ZNF142: variants seen among roughly 807,000 people sequenced by gnomAD.
ZNF142 encodes zinc finger protein 142.
ZNF142 carries 96 observed loss-of-function variants against 132.1 expected under a neutral mutation model. That is an observed-to-expected ratio of 0.73 (90% CI 0.62 to 0.86). The LOEUF (loss-of-function observed/expected upper bound fraction) is 0.86, where lower values mean the gene tolerates loss of function less well. Ranked by LOEUF, ZNF142 falls within the 40% of genes least tolerant of loss-of-function variation. ZNF142 has a pLI of 0.00. For synonymous variants in ZNF142, 842 were observed against 890.1 expected (o/e 0.95, Z 0.96); for missense variants, 2,163 against 2,336.2 (o/e 0.93, Z 1.53).
chr2:218,642,829 G>A lies in ZNF142; in HGVS notation c.4287C>T (p.Pro1429=). The A allele has an allele frequency of 3.7e-6, 6 of 1,614,208 alleles. No individual in the cohort carries two copies. Among genetic ancestry groups the A allele is most frequent in the Non-Finnish European group, 5.1e-6 (6 of 1,180,050 alleles). The change falls in exon 9 of 11, where the codon CCC becomes CCT. Residue 1429 remains proline (P), a synonymous_variant. Coordinates refer to ENST00000411696, the MANE Select transcript of ZNF142 (RefSeq NM_001379659.1). The surrounding 1 kb of genome is among the most constrained non-coding windows in gnomAD (Gnocchi z 4.6). ...QSRHTGIGRI[P]CSSCPQTFGT... Reference sequence around the variant, plus strand: ...CAAACGTCTGGGGGCAAGAGCTGCAGGGGATGCGGCCAATGCCTGTGTGTC... The same window carrying A: ...CAAACGTCTGGGGGCAAGAGCTGCAAGGGATGCGGCCAATGCCTGTGTGTC...
At position 218,638,772 on chromosome 2, in the gene ZNF142, C is replaced by T. The variant is rs961825568; in HGVS notation, c.5231G>A (p.Cys1744Tyr). 1 of 1,607,428 alleles carries T rather than the reference C, an allele frequency of 6.2e-7. No individual in the cohort carries two copies. Among genetic ancestry groups the T allele is most frequent in the Non-Finnish European group, 8.5e-7 (1 of 1,179,730 alleles). The part of the protein sequence containing the change: ...KPYQCPECEY[C>Y]TNRADALRVH... ...ACGCAGTGCATCAGCCCGGTTGGTG[C>T]AGTACTCACACTCGGGACACTGGTA... The change falls in exon 11 of 11, where the codon TGC becomes TAC. Residue 1744 changes from cysteine to tyrosine, a missense_variant. Physicochemically the swap from Cys to Tyr is radical, Grantham distance 194 (BLOSUM62 -2). Coordinates refer to ENST00000411696, the MANE Select transcript of ZNF142 (RefSeq NM_001379659.1).
At chr2:218,640,128 G>C (rs1697065274) in intron 10 of ZNF142, among the ~76,000 whole-genome samples, 1 of 148,182 alleles carries the variant, frequency 6.7e-6, no homozygotes, top group South Asian at 2.1e-4. Context: ...TGAAATAAGT[G>C]GCATTCATAA....
chr2:218,646,747 A>G (rs1202823230), intron 7 of ZNF142, among the ~76,000 whole-genome samples: 1 of 152,084 alleles, frequency 6.6e-6, no homozygotes, highest in Non-Finnish European at 1.5e-5. Flanking sequence ...ACCACGCCCA[A>G]CTAATTTTTT....
chr2:218,634,556 C>T lies in ZNF142; in HGVS notation c.*3783G>A. ...TGGCTATGTGCTGAAGCCAGACTTC[C>T]TGCGTGATATCCAGAGTTCTTTCCA... On this transcript the variant is annotated 3_prime_UTR_variant, in exon 11 of 11. Coordinates refer to ENST00000411696, the MANE Select transcript of ZNF142 (RefSeq NM_001379659.1). This position sits in a 1 kb window ranked among gnomAD's most constrained non-coding sequence, Gnocchi z 4.0. 2 of 1,614,064 alleles carry T rather than the reference C, an allele frequency of 1.2e-6. No homozygotes were observed. The highest frequency in any genetic ancestry group is 1.7e-6 in the Non-Finnish European group (2 of 1,179,898).
Position 218,644,633 on chromosome 2 carries a change from T to A in ZNF142, c.2483A>T (p.Glu828Val), listed in dbSNP as rs770380322. ...MQGPTPPPDS[E>V]PSNQLSARPE... ...TCGGGCTGACAGCTGGTTTGAGGGC[T>A]CTGAATCTGGTGGGGGTGTTGGGCC... Residue 828 changes from glutamate to valine, a missense_variant, in exon 9 of 11, where the codon GAG (glutamate) becomes GTG (valine). Around this residue, in one of 7 missense-constraint regions of ZNF142, gnomAD observed 749 missense variants for 830.3 expected, o/e 0.90. Coordinates refer to ENST00000411696, the MANE Select transcript of ZNF142 (RefSeq NM_001379659.1). This position sits in a 1 kb window ranked among gnomAD's most constrained non-coding sequence, Gnocchi z 4.6. 2 of 1,614,174 alleles carry A rather than the reference T, an allele frequency of 1.2e-6. No homozygotes were observed. The highest frequency in any genetic ancestry group is 3.3e-5 in the Admixed American group (2 of 60,012).
chr2:218,643,060 G>T lies in ZNF142; in HGVS notation c.4056C>A (p.Leu1352=). The change falls in exon 9 of 11, where the codon CTC becomes CTA. Residue 1352 remains leucine, a synonymous_variant. Coordinates refer to ENST00000411696, the MANE Select transcript of ZNF142 (RefSeq NM_001379659.1). ...FTAPAATALR[L]HQKRRHPTAA... ...CAGTGGGGTGCCTCCGCTTCTGGTG[G>T]AGCCTTAAGGCAGTGGCAGCAGGAG... 6.2e-7 allele frequency: 1 copy of T among 1,600,696 alleles called. No homozygotes were observed. Among genetic ancestry groups the T allele is most frequent in the Non-Finnish European group, 8.5e-7 (1 of 1,172,976 alleles).
At chr2:218,657,347 T>G (rs1178277767) in intron 3 of ZNF142, among the ~76,000 whole-genome samples, 1 of 152,182 alleles carries the variant, frequency 6.6e-6, no homozygotes, top group Non-Finnish European at 1.5e-5. Context: ...CCTTTTCCCC[T>G]TCTCAATCTC....
In ZNF142 at chr2:218,649,327, G is replaced by C. The variant is rs1463446610; in HGVS notation, c.1181C>G (p.Pro394Arg). Residue 394 changes from proline (P) to arginine (R), a missense_variant, in exon 7 of 11, where the codon CCT becomes CGT. Around this residue, in one of 7 missense-constraint regions of ZNF142, gnomAD observed 749 missense variants for 830.3 expected, o/e 0.90. Transcript: ENST00000411696. Reference sequence around the variant, plus strand: ...ACTGGTGAAGAACTTCTGGCAGTTAGGGCACTGGAGGCTGGGGTCTGGGAA... The same window carrying C: ...ACTGGTGAAGAACTTCTGGCAGTTACGGCACTGGAGGCTGGGGTCTGGGAA... ...LHFPDPSLQC[P>R]NCQKFFTSKS... 1 of 1,614,242 alleles carries C rather than the reference G, an allele frequency of 6.2e-7. No homozygotes were observed.
rs750414403 is a variant in ZNF142, at chr2:218,640,792, G to A, written c.5089-23C>T. On this transcript the variant is annotated intron_variant, in intron 9 of 10. Transcript: ENST00000411696. ...GTACTGGAAGAGGCAAGAGCAAAAA[G>A]CAGAAAATATAGTAAGTGCTCAATA... 5.6e-6 allele frequency: 9 copies of A among 1,595,384 alleles called. No individual in the cohort carries two copies. The Admixed American group carries it at 1.3e-4, about 24-fold the overall frequency.
intron 5 of ZNF142, among the ~76,000 whole-genome samples, chr2:218,651,276 C>T (rs1320532985): frequency 6.6e-6 from 1 of 152,192 alleles, no homozygotes; most frequent in Non-Finnish European, 1.5e-5. Flanking sequence ...GCCACAGTGC[C>T]CAGCCCAAAG....
chr2:218,643,385 T>C lies in ZNF142; in HGVS notation c.3731A>G (p.His1244Arg). ...LCSRLSSITSHVAEGCRGGRG... is the reference protein window; with the variant it reads ...LCSRLSSITSRVAEGCRGGRG... ...TCCCCCCCTGCAGCCTTCAGCCACG[T>C]GAGAGGTAATAGAGGAGAGCCGGGA... The change falls in exon 9 of 11, where the codon CAC (histidine) becomes CGC (arginine). Residue 1244 changes from histidine to arginine, a missense_variant. Around this residue, in one of 7 missense-constraint regions of ZNF142, gnomAD observed 809 missense variants for 801.7 expected, o/e 1.01. Coordinates refer to ENST00000411696, the MANE Select transcript of ZNF142 (RefSeq NM_001379659.1). 8.7e-6 allele frequency: 14 copies of C among 1,613,910 alleles called. No individual in the cohort carries two copies. The highest frequency in any genetic ancestry group is 1.1e-5 in the Non-Finnish European group (13 of 1,179,914).
At chr2:218,640,340 T>G (rs1490560703) in intron 10 of ZNF142, among the ~76,000 whole-genome samples, 1 of 152,192 alleles carries the variant, frequency 6.6e-6, no homozygotes, top group African/African-American at 2.4e-5. Flanking sequence ...CATGTCTGTG[T>G]AAGAGCCAAG....
At position 218,633,519 on chromosome 2, in the gene ZNF142, G is replaced by C; in HGVS notation, c.*4820C>G. 1 of 1,467,938 alleles carries C rather than the reference G, an allele frequency of 6.8e-7. No individual in the cohort carries two copies. The highest frequency in any genetic ancestry group is 1.1e-5 in the South Asian group (1 of 87,574). 90.9% of individuals were successfully genotyped at this position (1,467,938 alleles called of 1,614,324 possible). A position where few individuals can be genotyped will look rare whatever the true frequency, so the allele number is the denominator to read the frequency against. ...GGAGAATACAGTGGGGAGGCAGTGGGCAGAGGTTTAGGTTGGATGGCCATT... is the reference window on the plus strand; with the variant it reads ...GGAGAATACAGTGGGGAGGCAGTGGCCAGAGGTTTAGGTTGGATGGCCATT... On this transcript the variant is annotated 3_prime_UTR_variant, in exon 11 of 11. Transcript: ENST00000411696.
chr2:218,649,093 A>AGG lies in ZNF142; in HGVS notation c.1413_1414dup (p.Leu472ProfsTer37), dbSNP rs755446111. The AGG allele has an allele frequency of 5.0e-6, 8 of 1,613,842 alleles. No homozygotes were observed. The highest frequency in any genetic ancestry group is 6.8e-6 in the Non-Finnish European group (8 of 1,180,048). Reference sequence around the variant, plus strand: ...TGCGGCTGCTGCCGTGTGGCTCTTGAGGTGCTCCTTTAGGGCCTGGCTGAG... The same window carrying AGG: ...TGCGGCTGCTGCCGTGTGGCTCTTGAGGGGTGCTCCTTTAGGGCCTGGCTGAG... On this transcript the variant is annotated frameshift_variant, in exon 7 of 11. Coordinates refer to ENST00000411696, the MANE Select transcript of ZNF142 (RefSeq NM_001379659.1). LOFTEE classifies it high-confidence loss of function.
intron 4 of ZNF142, among the ~76,000 whole-genome samples, chr2:218,655,685 A>G (rs1422949924): frequency 6.6e-6 from 1 of 152,156 alleles, no homozygotes; most frequent in Non-Finnish European, 1.5e-5. Context: ...CATGCCTCGG[A>G]TGAGTAAAGT....
chr2:218,652,131 G>A lies in ZNF142; in HGVS notation c.450C>T (p.Leu150=), dbSNP rs1231036146. ...GGCTCTGGCCCTGCAGAGGGCCAGG[G>A]AGGGTTGGGTTGCTGGGAGGCAGCT... The part of the protein sequence containing the change: ...SVELPPSNPT[L]PGPLQGQSPP... Residue 150 remains leucine, a synonymous_variant, in exon 5 of 11, where the codon CTC becomes CTT. Coordinates refer to ENST00000411696, the MANE Select transcript of ZNF142 (RefSeq NM_001379659.1). 2 of 449,364 alleles carry A rather than the reference G, an allele frequency of 4.5e-6. No homozygotes were observed. The highest frequency in any genetic ancestry group is 9.0e-6 in the Non-Finnish European group (2 of 222,590). 27.8% of individuals were successfully genotyped at this position (449,364 alleles called of 1,614,324 possible). A position where few individuals can be genotyped will look rare whatever the true frequency, so the allele number is the denominator to read the frequency against.
At position 218,640,771 on chromosome 2, in the gene ZNF142, T is replaced by G; in HGVS notation, c.5089-2A>C. ...CTCCTTGTGGATCCGCATGTGGTACTGGAAGAGGCAAGAGCAAAAAGCAGA... is the reference window on the plus strand; with the variant it reads ...CTCCTTGTGGATCCGCATGTGGTACGGGAAGAGGCAAGAGCAAAAAGCAGA... On this transcript the variant is annotated splice_acceptor_variant, in intron 9 of 10. Coordinates refer to ENST00000411696, the MANE Select transcript of ZNF142 (RefSeq NM_001379659.1). LOFTEE classifies it high-confidence loss of function. 2 of 1,613,932 alleles carry G rather than the reference T, an allele frequency of 1.2e-6. No homozygotes were observed. Among genetic ancestry groups the G allele is most frequent in the East Asian group, 2.2e-5 (1 of 44,882 alleles).
At position 218,633,755 on chromosome 2, in the gene ZNF142, G is replaced by A; in HGVS notation, c.*4584C>T. The A allele has an allele frequency of 6.2e-7, 1 of 1,613,916 alleles. No homozygotes were observed. The highest frequency in any genetic ancestry group is 8.5e-7 in the Non-Finnish European group (1 of 1,179,878). On this transcript the variant is annotated 3_prime_UTR_variant, in exon 11 of 11. Coordinates refer to ENST00000411696, the MANE Select transcript of ZNF142 (RefSeq NM_001379659.1). ...AACCAAGGCCAAGCGCCTCATCAAG[G>A]AGGCTGGTCAGGACCAAAATGGAGG...
intron 4 of ZNF142, among the ~76,000 whole-genome samples, chr2:218,654,070 A>C (rs977131450): frequency 6.6e-6 from 1 of 152,156 alleles, no homozygotes; most frequent in Non-Finnish European, 1.5e-5. Flanking sequence ...TCTAAAAATA[A>C]TTTTAAAAAA....
Sources: allele counts gnomAD v4.1 joint callset (sites outside exome capture counted in the v4.1 genomes callset), GRCh38; gene constraint gnomAD v4.1.1; regional missense constraint gnomAD v4.1.1; non-coding constraint Gnocchi (gnomAD v3.1); transcripts MANE v1.5; gene names NCBI Gene and HGNC (gene_info 2026-07-23, HGNC 2026-07-21).